Variants in R3HDM1 observed in about 807,000 individuals in gnomAD.
The protein encoded by R3HDM1 is R3H domain-containing protein 1.
In R3HDM1, 46 loss-of-function variants were observed where a neutral mutation model predicts 141.1. That is an observed-to-expected ratio of 0.33 (90% CI 0.26 to 0.42). The LOEUF is 0.42. Among genes scored for constraint, R3HDM1 ranks in the 10% least tolerant of loss-of-function variants. The pLI is 1.00. For synonymous variants in R3HDM1, 435 were observed against 472.9 expected (o/e 0.92, Z 1.04); for missense variants, 1,184 against 1,368.3 (o/e 0.87, Z 2.12).
rs760314642 is a variant in R3HDM1 at position 135,616,153 on chromosome 2, G to A, written c.173G>A (p.Arg58Gln). ...TACAAATCTTTCTTGTATATTCAGC[G>A]GCCATTGCAGTCATTTGGACAGACA... ...HCIENNIDLQ[R>Q]PLQSFGQTGK... is the part of the protein sequence containing the mutation. Residue 58 changes from arginine to glutamine, a missense_variant and splice_region_variant, in exon 4 of 27, where the codon CGG (arginine) becomes CAG (glutamine). Physicochemically the swap from Arg to Gln is conservative, Grantham distance 43. This residue lies in a region of R3HDM1 where 192 missense variants were observed against 215.7 expected (regional missense o/e 0.89). Coordinates refer to ENST00000683871, the MANE Select transcript of R3HDM1 (RefSeq NM_001378107.1). The A allele has an allele frequency of 5.6e-6, 9 of 1,612,318 alleles. No homozygotes were observed. Among genetic ancestry groups the A allele is most frequent in the Admixed American group, 5.0e-5 (3 of 59,984 alleles).
At chr2:135,540,099 A>G (rs888096190) in intron 1 of R3HDM1, among the ~76,000 whole-genome samples, 13 of 152,262 alleles carry the variant, frequency 8.5e-5, no homozygotes, top group Admixed American at 3.9e-4. Flanking sequence ...TATTTCAACA[A>G]TGCTAACAGA....
rs1173363494 is a variant in R3HDM1, at chr2:135,622,669, A to G, written c.434A>G (p.Tyr145Cys). 1 of 1,601,460 alleles carries G rather than the reference A, an allele frequency of 6.2e-7. No homozygotes were observed. The highest frequency in any genetic ancestry group is 1.3e-5 in the African/African-American group (1 of 74,614). The change falls in exon 7 of 27, where the codon TAC becomes TGC. Residue 145 changes from tyrosine (Y) to cysteine (C), a missense_variant. Physicochemically the swap from Tyr to Cys is radical, Grantham distance 194 (BLOSUM62 -2). Around this residue, in one of 5 missense-constraint regions of R3HDM1, gnomAD observed 192 missense variants for 215.7 expected, o/e 0.89. Transcript: ENST00000683871. ...KMLSRDSSQE[Y>C]TDSTGIDLHE... is the part of the protein sequence containing the mutation. ...TGTTTTTTAGATTCCAGTCAAGAAT[A>G]CACTGATTCAACTGGCATAGATCTA...
intron 21 of R3HDM1, among the ~76,000 whole-genome samples, chr2:135,707,337 T>G (rs1377508900): frequency 6.6e-6 from 1 of 152,226 alleles, no homozygotes. Flanking sequence ...TTCTAAAGTG[T>G]TTAAGTGATT....
rs115984320 is a variant in R3HDM1, at chr2:135,683,818, G to A, written c.2459+3494G>A. On this transcript the variant is annotated intron_variant, in intron 21 of 26. Coordinates refer to ENST00000683871, the MANE Select transcript of R3HDM1 (RefSeq NM_001378107.1). ...TGAATAGAGGCAATTCAGAAATCTA[G>A]ACTTAGTGGCTTATATAAATTATAT... 3.4e-3 allele frequency among the ~76,000 whole-genome samples: 522 copies of A among 152,144 alleles called. 4 individuals carry two copies. Among genetic ancestry groups the A allele is most frequent in the African/African-American group, 0.012 (497 of 41,502 alleles).
chr2:135,709,522 G>A lies in R3HDM1; in HGVS notation c.2549G>A (p.Gly850Asp), dbSNP rs199587789. 90 of 1,613,910 alleles carry A rather than the reference G, an allele frequency of 5.6e-5. No individual in the cohort carries two copies. The highest frequency in any genetic ancestry group is 7.4e-5 in the Non-Finnish European group (87 of 1,179,978). Residue 850 changes from glycine to aspartate, a missense_variant, in exon 22 of 27, where the codon GGC becomes GAC. Physicochemically the swap from Gly to Asp is moderately conservative, Grantham distance 94. Transcript: ENST00000683871. ...CCATGCAGTTCCCAGCAGCTTCAAG[G>A]CCACCAATGTACAGGTATAAAGAAA... ...TSPCSSQQLQ[G>D]HQCTAGPPPP... is the part of the protein sequence containing the mutation.
intron 1 of R3HDM1, among the ~76,000 whole-genome samples, chr2:135,588,406 C>G (rs1297249737): frequency 6.6e-6 from 1 of 152,100 alleles, no homozygotes; most frequent in Non-Finnish European, 1.5e-5. Context: ...CCAGATCTTT[C>G]TCTTTTCTGT....
At chr2:135,674,712 T>C (rs964967394) in intron 19 of R3HDM1, among the ~76,000 whole-genome samples, 2 of 152,222 alleles carry the variant, frequency 1.3e-5, no homozygotes, top group Non-Finnish European at 2.9e-5. Flanking sequence ...GTTTAATGAT[T>C]TGTCAAGTGA....
chr2:135,538,290 G>A (rs973411992), intron 1 of R3HDM1, among the ~76,000 whole-genome samples: 18 of 152,254 alleles, frequency 1.2e-4, no homozygotes, highest in African/African-American at 4.1e-4. Flanking sequence ...TATACCTAAG[G>A]CACTTACCAT....
intron 19 of R3HDM1, among the ~76,000 whole-genome samples, chr2:135,666,458 C>A (rs2067509260): frequency 6.6e-6 from 1 of 152,118 alleles, no homozygotes; most frequent in Non-Finnish European, 1.5e-5. Flanking sequence ...TGTGATTCAG[C>A]ATAGATTCAG....
intron 1 of R3HDM1, among the ~76,000 whole-genome samples, chr2:135,598,126 G>A (rs2059344509): frequency 6.6e-6 from 1 of 152,084 alleles, no homozygotes; most frequent in Non-Finnish European, 1.5e-5. Context: ...ATAGAGGAAG[G>A]TACTTAACCA....
intron 21 of R3HDM1, among the ~76,000 whole-genome samples, chr2:135,683,601 A>T (rs1311372815): frequency 6.6e-6 from 1 of 152,102 alleles, no homozygotes; most frequent in Non-Finnish European, 1.5e-5. Flanking sequence ...GGGTGAAAAA[A>T]AATTCATAAT....
At chr2:135,606,413 C>T (rs1017098415) in intron 3 of R3HDM1, 3 of 152,048 alleles carry the variant, frequency 2.0e-5, no homozygotes, top group African/African-American at 7.2e-5. Flanking sequence ...GGGAATTAGA[C>T]CCTACCTCTC....
At chr2:135,699,590 C>T (rs2073945442) in intron 21 of R3HDM1, among the ~76,000 whole-genome samples, 1 of 152,114 alleles carries the variant, frequency 6.6e-6, no homozygotes, top group Non-Finnish European at 1.5e-5. Context: ...TTGCTTTTCT[C>T]AGTGAATTAG....
chr2:135,645,081 A>G (rs2064244394), intron 15 of R3HDM1, among the ~76,000 whole-genome samples: 2 of 152,204 alleles, frequency 1.3e-5, no homozygotes, highest in Admixed American at 6.5e-5. Flanking sequence ...GACTCCGTCT[A>G]AGAAAATAAT....
chr2:135,723,295 G>A (rs2105474266), intron 26 of R3HDM1, among the ~76,000 whole-genome samples: 1 of 151,210 alleles, frequency 6.6e-6, no homozygotes. Context: ...CTAATTTTTT[G>A]TGTTTTTAGT....
At chr2:135,650,869 T>G in intron 17 of R3HDM1, 7 of 985,410 alleles carry the variant, frequency 7.1e-6, no homozygotes, top group Non-Finnish European at 8.4e-6. Flanking sequence ...ATTTTGTAAG[T>G]CATTTTTTTC....
intron 1 of R3HDM1, among the ~76,000 whole-genome samples, chr2:135,553,139 G>T (rs1700128874): frequency 3.9e-5 from 6 of 152,012 alleles, no homozygotes; most frequent in Admixed American, 3.9e-4. Flanking sequence ...CAAAGCACTG[G>T]GATTACAGGC....
chr2:135,600,103 A>ATTTTTTTTTTTTT (rs1047714227), intron 1 of R3HDM1, among the ~76,000 whole-genome samples: 1 of 93,476 alleles, frequency 1.1e-5, no homozygotes, highest in Non-Finnish European at 1.9e-5. Flanking sequence ...AGTTCGTATG[A>ATTTTTTTTTTTTT]TTTTTTTTTT....
At chr2:135,557,243 CT>C (rs1216096223) in intron 1 of R3HDM1, among the ~76,000 whole-genome samples, 2 of 152,002 alleles carry the variant, frequency 1.3e-5, no homozygotes, top group African/African-American at 4.8e-5. Context: ...GTTTATTGCT[CT>C]TTTTTTCCTC....
Sources: gnomAD v4.1 joint callset for allele counts (sites outside exome capture counted in the v4.1 genomes callset) on GRCh38, gnomAD v4.1.1 for gene constraint, gnomAD v4.1.1 regional missense constraint, MANE v1.5 for transcripts, NCBI Gene and HGNC (gene_info 2026-07-23, HGNC 2026-07-21) for gene names.